Variants in TULP3 observed in about 807,000 individuals in gnomAD.
The protein encoded by TULP3 is TUB like protein 3.
Under a neutral mutation model 50.7 loss-of-function variants are expected in TULP3, and 38 were observed. The ratio of observed to expected loss-of-function variants is 0.75; its 90% CI spans 0.58 to 0.98. The LOEUF (loss-of-function observed/expected upper bound fraction) is 0.98, where lower values mean the gene tolerates loss of function less well. Among genes scored for constraint, TULP3 ranks in the 50% least tolerant of loss-of-function variants. TULP3 has a pLI of 0.00. For synonymous variants in TULP3, 183 were observed against 196.6 expected (o/e 0.93, Z 0.58); for missense variants, 550 against 568.0 (o/e 0.97, Z 0.32).
intron 2 of TULP3, among the ~76,000 whole-genome samples, chr12:2,913,534 G>T (rs377503862): frequency 6.1e-4 from 93 of 152,160 alleles, no homozygotes; most frequent in African/African-American, 2.2e-3. Context: ...AAAGTGCTAG[G>T]ATTATAGGCA....
intron 1 of TULP3, among the ~76,000 whole-genome samples, chr12:2,908,712 G>A (rs2098183818): frequency 6.6e-6 from 1 of 152,164 alleles, no homozygotes; most frequent in Admixed American, 6.6e-5. Flanking sequence ...GAGCCACCGT[G>A]TGCCTGGCCC....
At position 2,940,699 on chromosome 12, in the gene TULP3, TC is replaced by T; in HGVS notation, c.*1257del. On this transcript the variant is annotated 3_prime_UTR_variant, in exon 11 of 11. Transcript: ENST00000448120. ...CTGACCTCTCACCTCCGCCTGTTGT[TC>T]CTGCACCACATCAGATAAGCATGTG... is the stretch of plus-strand genomic sequence containing the variant. 1.9e-6 allele frequency: 3 copies of T among 1,551,468 alleles called. No individual in the cohort carries two copies. Among genetic ancestry groups the T allele is most frequent in the Admixed American group, 2.0e-5 (1 of 50,954 alleles).
intron 6 of TULP3, 132 bp downstream of exon 6, chr12:2,931,372 C>G: frequency 2.5e-6 from 2 of 805,958 alleles, no homozygotes; most frequent in Non-Finnish European, 3.8e-6. Flanking sequence ...ATCTTTCAGT[C>G]CCCAGATGCT....
chr12:2,897,771 TA>T (rs71057851), intron 1 of TULP3, among the ~76,000 whole-genome samples: 1,867 of 125,728 alleles, frequency 0.015, 39 homozygotes, highest in African/African-American at 0.046. Context: ...CCCTGTCTCT[TA>T]AAAAAAAAAA....
At chr12:2,910,610 G>C in intron 2 of TULP3, among the ~76,000 whole-genome samples, 1 of 152,152 alleles carries the variant, frequency 6.6e-6, no homozygotes, top group Non-Finnish European at 1.5e-5. Flanking sequence ...TCTGTAGCTA[G>C]GATCGTTAAC....
intron 1 of TULP3, among the ~76,000 whole-genome samples, chr12:2,892,248 A>C (rs2098172563): frequency 6.6e-6 from 1 of 152,042 alleles, no homozygotes; most frequent in African/African-American, 2.4e-5. Context: ...TGCACTCTGA[A>C]ATTTGTTCAC....
intron 1 of TULP3, among the ~76,000 whole-genome samples, chr12:2,902,297 A>G (rs1209190266): frequency 6.6e-6 from 1 of 152,222 alleles, no homozygotes; most frequent in African/African-American, 2.4e-5. Context: ...CTGAAGCAAT[A>G]CTGTAGTCAG....
Position 2,891,049 on chromosome 12 carries a change from G to A in TULP3, c.41+61G>A. 3 of 1,476,200 alleles carry A rather than the reference G, an allele frequency of 2.0e-6. No homozygotes were observed. In the South Asian group the frequency reaches 3.9e-5, roughly 19 times the overall value. The allele number at this position is 1,476,200 out of a possible 1,614,324, so 91.4% of individuals were successfully genotyped here. A position where few individuals can be genotyped will look rare whatever the true frequency, so the allele number is the denominator to read the frequency against. Reference sequence around the variant, plus strand: ...AGGCGGAGGGGCGAAGCGAGAAGGCGGAGGTCCTCTCCGGGAGCCCTGCGG... The same window carrying A: ...AGGCGGAGGGGCGAAGCGAGAAGGCAGAGGTCCTCTCCGGGAGCCCTGCGG... On this transcript the variant is annotated intron_variant, in intron 1 of 10. Transcript: ENST00000448120.
intron 4 of TULP3, among the ~76,000 whole-genome samples, chr12:2,929,674 T>G (rs564737015): frequency 5.9e-5 from 9 of 152,106 alleles, no homozygotes; most frequent in African/African-American, 2.2e-4. Context: ...CGCTGCAAGC[T>G]CCGCCTCCCA....
At chr12:2,915,257 T>C (rs2098187959) in intron 2 of TULP3, among the ~76,000 whole-genome samples, 1 of 152,348 alleles carries the variant, frequency 6.6e-6, no homozygotes, top group South Asian at 2.1e-4. Flanking sequence ...CCCAAAATGC[T>C]GGGATTACAG....
chr12:2,933,462 C>T lies in TULP3; in HGVS notation c.741C>T (p.Ala247=). 1 of 1,613,996 alleles carries T rather than the reference C, an allele frequency of 6.2e-7. No homozygotes were observed. Among genetic ancestry groups the T allele is most frequent in the Non-Finnish European group, 8.5e-7 (1 of 1,179,994 alleles). Residue 247 remains alanine (A), a synonymous_variant, in exon 7 of 11, where the codon GCC becomes GCT. Coordinates refer to ENST00000448120, the MANE Select transcript of TULP3 (RefSeq NM_003324.5). ...GAAAGCGGAAAAAGAGCAAAACAGC[C>T]AACTACCTTATCTCCATTGATCCAG... ...AARKRKKSKT[A]NYLISIDPVD...
At chr12:2,894,328 G>A (rs1179140500) in intron 1 of TULP3, among the ~76,000 whole-genome samples, 1 of 150,964 alleles carries the variant, frequency 6.6e-6, no homozygotes, top group Non-Finnish European at 1.5e-5. Context: ...CTGAGGTCAC[G>A]AGTTCAAGAC....
At chr12:2,901,663 G>A (rs1022153231) in intron 1 of TULP3, among the ~76,000 whole-genome samples, 1 of 152,126 alleles carries the variant, frequency 6.6e-6, no homozygotes, top group Non-Finnish European at 1.5e-5. Context: ...GATTACAGGT[G>A]TGAGCTACCG....
intron 1 of TULP3, among the ~76,000 whole-genome samples, chr12:2,900,303 C>T (rs1385369012): frequency 6.6e-6 from 1 of 152,174 alleles, no homozygotes; most frequent in African/African-American, 2.4e-5. Context: ...CTCCTTTCTC[C>T]TCAATTTCAT....
chr12:2,939,226 A>G lies in TULP3; in HGVS notation c.1196-85A>G. On this transcript the variant is annotated intron_variant, in intron 10 of 10. Transcript: ENST00000448120. This position sits in a 1 kb window ranked among gnomAD's most constrained non-coding sequence, Gnocchi z 4.0. ...AGCCAGGGCGACAGAGCAAAACCCC[A>G]TCTAAGAAAAGGAAGAAAAAGAAAA... 6.8e-7 allele frequency: 1 copy of G among 1,476,894 alleles called. No individual in the cohort carries two copies. The highest frequency in any genetic ancestry group is 9.3e-7 in the Non-Finnish European group (1 of 1,079,010). The allele number at this position is 1,476,894 out of a possible 1,614,324, so 91.5% of individuals were successfully genotyped here.
At chr12:2,891,912 A>G (rs1158372341) in intron 1 of TULP3, among the ~76,000 whole-genome samples, 1 of 151,920 alleles carries the variant, frequency 6.6e-6, no homozygotes, top group Non-Finnish European at 1.5e-5. Context: ...AATAAAATAA[A>G]ATCAATCAGT....
chr12:2,925,893 C>T lies in TULP3; in HGVS notation c.394+3491C>T, dbSNP rs752469922. On this transcript the variant is annotated intron_variant, in intron 4 of 10. Coordinates refer to ENST00000448120, the MANE Select transcript of TULP3 (RefSeq NM_003324.5). ...TGCACTGCTCTATGAAATGGCTGTT[C>T]GTTTTCAGAATTGGCCTTCCAGTGC... Among the ~76,000 whole-genome samples the T allele has an allele frequency of 5.3e-5, 8 of 152,140 alleles. No individual in the cohort carries two copies. The East Asian group carries it at 5.8e-4, about 11-fold the overall frequency.
In TULP3 at chr12:2,937,200, A is replaced by ATTTTT. The variant is rs771074689; in HGVS notation, c.925-404_925-400dup. ...AATAAAATTATTTTTGGTACACCTG[A>ATTTTT]TTTTTTTTTTTTTTTTTTTTTTTTT... On this transcript the variant is annotated intron_variant, in intron 8 of 10. Coordinates refer to ENST00000448120, the MANE Select transcript of TULP3 (RefSeq NM_003324.5). Among the ~76,000 whole-genome samples the ATTTTT allele has an allele frequency of 2.4e-3, 130 of 54,468 alleles. 35 individuals carry two copies. The highest frequency in any genetic ancestry group is 3.2e-3 in the Admixed American group (9 of 2,772). 35.7% of individuals were successfully genotyped at this position (54,468 alleles called of 152,430 possible).
At chr12:2,910,679 C>T (rs931351982) in intron 2 of TULP3, among the ~76,000 whole-genome samples, 2 of 152,152 alleles carry the variant, frequency 1.3e-5, no homozygotes, top group Non-Finnish European at 2.9e-5. Flanking sequence ...GTCTTCTCTT[C>T]TTTATGTGGT....
Sources: gnomAD v4.1 joint callset for allele counts (sites outside exome capture counted in the v4.1 genomes callset) on GRCh38, gnomAD v4.1.1 for gene constraint, Gnocchi (gnomAD v3.1) non-coding constraint, MANE v1.5 for transcripts, NCBI Gene and HGNC (gene_info 2026-07-23, HGNC 2026-07-21) for gene names.